NPHS1: variants seen among roughly 807,000 people sequenced by gnomAD.
The protein encoded by NPHS1 is NPHS1 adhesion molecule, nephrin.
A neutral mutation model predicts 139.7 loss-of-function variants in NPHS1; 107 were observed. The ratio of observed to expected loss-of-function variants is 0.77; its 90% CI spans 0.66 to 0.90. The LOEUF is 0.90. Among genes scored for constraint, NPHS1 ranks in the 40% least tolerant of loss-of-function variants. NPHS1 has a pLI of 0.00. For synonymous variants in NPHS1, 707 were observed against 706.6 expected (o/e 1.00, Z -0.01); for missense variants, 1,580 against 1,654.2 (o/e 0.96, Z 0.78).
Position 35,839,253 on chromosome 19 carries a change from A to G in NPHS1, c.3093T>C (p.Leu1031=), listed in dbSNP as rs751392621. 1.9e-6 allele frequency: 3 copies of G among 1,614,050 alleles called. No individual in the cohort carries two copies. The highest frequency in any genetic ancestry group is 2.5e-6 in the Non-Finnish European group (3 of 1,180,032). ...CCTTCCCACCTGGGGTAGTGATGGG[A>G]AGCTGGGTCCCTTTGTCAGCCAGTC... ...DSGLADKGTQ[L]PITTPGLHQP... Residue 1031 remains leucine, a synonymous_variant, in exon 22 of 29, where the codon CTT becomes CTC. Transcript: ENST00000378910.
chr19:35,841,898 C>T (rs1973061593), intron 19 of NPHS1, 32 bp from the exon 20 acceptor site: 2 of 1,582,660 alleles, frequency 1.3e-6, no homozygotes, highest in Non-Finnish European at 1.7e-6. Context: ...ACTCACCCTT[C>T]CATTCACCCA....
chr19:35,848,876 T>C, intron 8 of NPHS1, 82 bp from the exon 9 acceptor site: 1 of 1,611,486 alleles, frequency 6.2e-7, no homozygotes, highest in Non-Finnish European at 8.5e-7. Flanking sequence ...TGGAGACAGA[T>C]GCTGAGATCT....
At position 35,845,412 on chromosome 19, in the gene NPHS1, T is replaced by G. The variant is rs1363255498; in HGVS notation, c.1886A>C (p.Glu629Ala). 5 of 1,614,224 alleles carry G rather than the reference T, an allele frequency of 3.1e-6. No individual in the cohort carries two copies. The highest frequency in any genetic ancestry group is 3.4e-6 in the Non-Finnish European group (4 of 1,180,054). ...GAAGGAGCTCACGGTTTCGCGGAGC[T>G]CGGCGCTGTGGGCGCGGCAGGTCAC... ...QRVTCRAHSAELRETVSSFYR... is the reference protein window; with the variant it reads ...QRVTCRAHSAALRETVSSFYR... Residue 629 changes from glutamate (E) to alanine (A), a missense_variant, in exon 14 of 29, where the codon GAG becomes GCG. Coordinates refer to ENST00000378910, the MANE Select transcript of NPHS1 (RefSeq NM_004646.4). The surrounding 1 kb of genome is among the most constrained non-coding windows in gnomAD (Gnocchi z 5.5).
intron 11 of NPHS1, 121 bp from the exon 12 acceptor site, chr19:35,846,315 G>C (rs949203625): frequency 9.6e-7 from 1 of 1,038,296 alleles, no homozygotes; most frequent in East Asian, 2.6e-5. Context: ...TTCTGATAAG[G>C]AGAAGCACTC....
intron 28 of NPHS1, among the ~76,000 whole-genome samples, chr19:35,827,050 C>T (rs939225852): frequency 2.6e-5 from 4 of 152,072 alleles, no homozygotes; most frequent in Non-Finnish European, 5.9e-5. Context: ...ATCTTAGCTC[C>T]CTGCAACCTC....
chr19:35,849,979 A>G (rs1251957821), intron 5 of NPHS1, among the ~76,000 whole-genome samples: 1 of 152,154 alleles, frequency 6.6e-6, no homozygotes, highest in African/African-American at 2.4e-5. Flanking sequence ...GCAGTGGTAC[A>G]ATCTCAGCTC....
intron 20 of NPHS1, 138 bp from the exon 21 acceptor site, chr19:35,839,745 A>G (rs1973027245): frequency 1.4e-6 from 1 of 738,538 alleles, no homozygotes; most frequent in Non-Finnish European, 2.4e-6. Context: ...CTGTAAGGTC[A>G]TGGTGAACAC....
At chr19:35,836,011 G>A (rs1360773681) in intron 22 of NPHS1, among the ~76,000 whole-genome samples, 2 of 146,660 alleles carry the variant, frequency 1.4e-5, no homozygotes, top group Non-Finnish European at 3.0e-5. Flanking sequence ...CCAGGCTGGA[G>A]TGCAGTGGCG....
At chr19:35,832,529 G>T (rs1275905206) in intron 23 of NPHS1, among the ~76,000 whole-genome samples, 1 of 134,926 alleles carries the variant, frequency 7.4e-6, no homozygotes, top group Non-Finnish European at 1.6e-5. Context: ...GGGCAGCAGA[G>T]CAAGACCCTG....
rs781123895 is a variant in NPHS1 at position 35,845,582 on chromosome 19, A to C, written c.1758-42T>G. The C allele has an allele frequency of 6.2e-7, 1 of 1,600,494 alleles. No homozygotes were observed. ...AAGCCAGGGCTGCGAGCGGAGCCAG[A>C]GGCTGGAGAGGCACTAGGCGGGGGC... On this transcript the variant is annotated intron_variant, in intron 13 of 28. Transcript: ENST00000378910. The surrounding 1 kb of genome is among the most constrained non-coding windows in gnomAD (Gnocchi z 5.5).
intron 9 of NPHS1, 39 bp from the exon 10 acceptor site, chr19:35,848,436 C>T: frequency 6.2e-7 from 1 of 1,613,880 alleles, no homozygotes; most frequent in South Asian, 1.1e-5. Flanking sequence ...GACTGCAGCA[C>T]CCCTATCCAT....
intron 17 of NPHS1, 66 bp downstream of exon 17, chr19:35,843,406 G>C: frequency 6.3e-7 from 1 of 1,596,274 alleles, no homozygotes; most frequent in Non-Finnish European, 8.6e-7. Context: ...CACTCCCAAG[G>C]AACTCACAGT....
In NPHS1 at chr19:35,830,990, G is replaced by A. The variant is rs1392997196; in HGVS notation, c.3482-34C>T. On this transcript the variant is annotated intron_variant, in intron 27 of 28. Coordinates refer to ENST00000378910, the MANE Select transcript of NPHS1 (RefSeq NM_004646.4). ...GGAGTGGAAGGGAGACACGATCAAGGCACCCAGTCCAGGCGTCGGGGGTAC... is the reference window on the plus strand; with the variant it reads ...GGAGTGGAAGGGAGACACGATCAAGACACCCAGTCCAGGCGTCGGGGGTAC... The A allele has an allele frequency of 4.4e-5, 71 of 1,605,048 alleles. 1 individual carries two copies. The highest frequency in any genetic ancestry group is 5.6e-5 in the Non-Finnish European group (66 of 1,171,858).
At chr19:35,849,827 T>C (rs1204501190) in intron 5 of NPHS1, among the ~76,000 whole-genome samples, 174 bp from the exon 6 acceptor site, 2 of 152,190 alleles carry the variant, frequency 1.3e-5, no homozygotes, top group Non-Finnish European at 2.9e-5. Context: ...ACAGTGAGAA[T>C]TGGAGCCTAG....
chr19:35,843,855 C>T, intron 16 of NPHS1: 2 of 654,494 alleles, frequency 3.1e-6, no homozygotes, highest in South Asian at 3.9e-5. Context: ...ACAGTGGGCT[C>T]TCATTCCTGA....
rs541925322 is a variant in NPHS1, at chr19:35,844,023, C to A, written c.2212+80G>T. The stretch of plus-strand genomic sequence containing the variant: ...GGATGGGTGGCTATCCCTGGGTGGG[C>A]GGAGCTCCCACAATGAGGAGACTCC... On this transcript the variant is annotated intron_variant, in intron 16 of 28. Coordinates refer to ENST00000378910, the MANE Select transcript of NPHS1 (RefSeq NM_004646.4). 2.6e-6 allele frequency: 4 copies of A among 1,552,656 alleles called. 1 individual carries two copies. In the South Asian group the frequency reaches 4.6e-5, roughly 18 times the overall value.
intron 20 of NPHS1, among the ~76,000 whole-genome samples, chr19:35,841,328 G>A (rs1274095609): frequency 2.0e-5 from 3 of 151,968 alleles, no homozygotes; most frequent in African/African-American, 4.8e-5. Context: ...AGCCAAGATC[G>A]CGCCATCGCA....
At chr19:35,833,696 C>CTT (rs1461459797) in intron 23 of NPHS1, among the ~76,000 whole-genome samples, 3 of 150,470 alleles carry the variant, frequency 2.0e-5, no homozygotes, top group Non-Finnish European at 1.5e-5. Flanking sequence ...TATACCAAGA[C>CTT]TTTTTCTTTT....
chr19:35,839,275 A>T lies in NPHS1; in HGVS notation c.3071T>A (p.Leu1024Gln). 1.2e-6 allele frequency: 2 copies of T among 1,614,196 alleles called. No homozygotes were observed. Among genetic ancestry groups the T allele is most frequent in the Non-Finnish European group, 1.7e-6 (2 of 1,180,038 alleles). Reference sequence around the variant, plus strand: ...GGGAAGCTGGGTCCCTTTGTCAGCCAGTCCACTGTCCCCCAAGGCATTACT... The same window carrying T: ...GGGAAGCTGGGTCCCTTTGTCAGCCTGTCCACTGTCCCCCAAGGCATTACT... ...LASNALGDSG[L>Q]ADKGTQLPIT... Residue 1024 changes from leucine to glutamine, a missense_variant, in exon 22 of 29, where the codon CTG becomes CAG. Coordinates refer to ENST00000378910, the MANE Select transcript of NPHS1 (RefSeq NM_004646.4).
Sources: allele counts gnomAD v4.1 joint callset (sites outside exome capture counted in the v4.1 genomes callset), GRCh38; gene constraint gnomAD v4.1.1; non-coding constraint Gnocchi (gnomAD v3.1); transcripts MANE v1.5; gene names NCBI Gene and HGNC (gene_info 2026-07-23, HGNC 2026-07-21).